Variants in HECW2 observed in about 807,000 individuals in gnomAD.
HECW2 encodes the protein E3 ubiquitin-protein ligase HECW2.
HECW2 carries 61 observed loss-of-function variants against 175.2 expected under a neutral mutation model. The ratio of observed to expected loss-of-function variants is 0.35; its 90% CI spans 0.28 to 0.43. The LOEUF (loss-of-function observed/expected upper bound fraction) is 0.43. HECW2 is among the 20% of genes least tolerant of loss of function. The probability of loss-of-function intolerance (pLI) is 1.00; values close to 1 mark genes in which losing one functional copy is unlikely to be tolerated. For missense variants in HECW2, 1,524 were observed against 2,000.5 expected, an observed-to-expected ratio of 0.76 and a Z score of 4.54; for synonymous variants, 671 against 731.0, an observed-to-expected ratio of 0.92 and a Z score of 1.32.
intron 2 of HECW2, among the ~76,000 whole-genome samples, chr2:196,410,188 T>C (rs1240661034): frequency 6.6e-6 from 1 of 152,206 alleles, no homozygotes; most frequent in Admixed American, 6.5e-5. Context: ...TGTTCTCACT[T>C]AGGGATGCAA....
chr2:196,299,625 C>G (rs1266176909), intron 13 of HECW2, among the ~76,000 whole-genome samples: 1 of 152,064 alleles, frequency 6.6e-6, no homozygotes, highest in Admixed American at 6.5e-5. Flanking sequence ...TTAAAGTCAC[C>G]AAGTTTAAAA....
At chr2:196,523,198 G>T in intron 1 of HECW2, among the ~76,000 whole-genome samples, 1 of 152,124 alleles carries the variant, frequency 6.6e-6, no homozygotes, top group East Asian at 1.9e-4. Flanking sequence ...CACATCCCTT[G>T]TAAGTTGGAT....
chr2:196,367,962 A>G (rs1693794439), intron 2 of HECW2, among the ~76,000 whole-genome samples: 1 of 150,740 alleles, frequency 6.6e-6, no homozygotes, highest in East Asian at 1.9e-4. Context: ...TATATATGAT[A>G]CATATATGAG....
At chr2:196,340,998 T>C (rs1692731435) in intron 3 of HECW2, among the ~76,000 whole-genome samples, 1 of 152,140 alleles carries the variant, frequency 6.6e-6, no homozygotes, top group African/African-American at 2.4e-5. Flanking sequence ...CCCATTTCTA[T>C]TAAATACTAG....
chr2:196,378,090 G>T lies in HECW2; in HGVS notation c.293-34326C>A, dbSNP rs1216575497. ...CTCCTCTTTGGCCTTTCCTTGGGTT[G>T]GGAGTCAATGGGACTGCCATAAGTA... On this transcript the variant is annotated intron_variant, in intron 2 of 28. Transcript: ENST00000644978. Among the ~76,000 whole-genome samples the T allele has an allele frequency of 4.6e-5, 7 of 152,280 alleles. 1 individual carries two copies. The East Asian group carries it at 1.4e-3, about 29-fold the overall frequency.
At position 196,503,047 on chromosome 2, in the gene HECW2, C is replaced by G. The variant is rs377562520; in HGVS notation, c.-35-69589G>C. On this transcript the variant is annotated intron_variant, in intron 1 of 28. Coordinates refer to ENST00000644978, the MANE Select transcript of HECW2 (RefSeq NM_001348768.2). Reference sequence around the variant, plus strand: ...GACAAGTACCCTTATCCTTCCACCCCTAGCTCCATTCAGCACCACAAGGGG... The same window carrying G: ...GACAAGTACCCTTATCCTTCCACCCGTAGCTCCATTCAGCACCACAAGGGG... Among the ~76,000 whole-genome samples, 414 of 152,286 alleles carry G rather than the reference C, an allele frequency of 2.7e-3. 2 individuals carry two copies. Among genetic ancestry groups the G allele is most frequent in the African/African-American group, 9.2e-3 (383 of 41,548 alleles).
intron 14 of HECW2, among the ~76,000 whole-genome samples, chr2:196,279,054 A>T (rs6712484): frequency 0.16 from 24,673 of 151,720 alleles, 2,094 homozygotes; most frequent in Middle Eastern, 0.23. Flanking sequence ...TAAAAAAAAA[A>T]ATTTTTTTTT....
chr2:196,223,204 T>A (rs1687731398), intron 23 of HECW2, among the ~76,000 whole-genome samples: 1 of 152,210 alleles, frequency 6.6e-6, no homozygotes, highest in Admixed American at 6.5e-5. Flanking sequence ...ACAGATAAGT[T>A]AATATAAAGC....
intron 24 of HECW2, 151 bp from the exon 25 acceptor site, chr2:196,221,092 C>T (rs565899260): frequency 2.9e-5 from 21 of 723,278 alleles, no homozygotes; most frequent in South Asian, 2.3e-4. Context: ...CAGGCACTCA[C>T]GGAGCACACA....
chr2:196,504,074 TC>T (rs1237364419), intron 1 of HECW2, among the ~76,000 whole-genome samples: 1 of 152,042 alleles, frequency 6.6e-6, no homozygotes, highest in Non-Finnish European at 1.5e-5. Flanking sequence ...GGCGGGCAGA[TC>T]ATCTGAGGTC....
At chr2:196,258,050 C>G in intron 17 of HECW2, 144 bp from the exon 18 acceptor site, 1 of 596,890 alleles carries the variant, frequency 1.7e-6, no homozygotes, top group Non-Finnish European at 3.0e-6. Flanking sequence ...TAGGAATACA[C>G]ATCCAAGAGA....
intron 19 of HECW2, among the ~76,000 whole-genome samples, chr2:196,250,185 G>A (rs1292179522): frequency 6.6e-6 from 1 of 152,190 alleles, no homozygotes; most frequent in African/African-American, 2.4e-5. Context: ...AATCCACATG[G>A]CTTCATGTCT....
chr2:196,560,487 C>CTCCCTG (rs1308854179), intron 1 of HECW2, among the ~76,000 whole-genome samples: 3 of 152,136 alleles, frequency 2.0e-5, no homozygotes, highest in Non-Finnish European at 4.4e-5. Context: ...TATGCCCGCA[C>CTCCCTG]TCCCTGTCCC....
intron 1 of HECW2, among the ~76,000 whole-genome samples, chr2:196,547,511 A>C (rs1689466144): frequency 6.6e-6 from 1 of 152,216 alleles, no homozygotes. Flanking sequence ...GTCCTCTTAC[A>C]AATAAAGATT....
intron 2 of HECW2, among the ~76,000 whole-genome samples, chr2:196,370,669 T>C (rs767843959): frequency 6.6e-5 from 10 of 152,144 alleles, no homozygotes; most frequent in Non-Finnish European, 1.3e-4. Context: ...ATTTAACCCA[T>C]GGTGGCGAGG....
At chr2:196,486,032 T>A (rs1352438705) in intron 1 of HECW2, among the ~76,000 whole-genome samples, 2 of 152,194 alleles carry the variant, frequency 1.3e-5, no homozygotes, top group African/African-American at 2.4e-5. Context: ...ATGGCACCTA[T>A]AATTTCCCCA....
intron 19 of HECW2, among the ~76,000 whole-genome samples, chr2:196,252,916 C>T (rs904872974): frequency 2.0e-5 from 3 of 152,202 alleles, no homozygotes; most frequent in Non-Finnish European, 4.4e-5. Context: ...TACATTTCTT[C>T]ATTACAGAAC....
In HECW2 at chr2:196,198,258, C is replaced by A. The variant is rs2105744208; in HGVS notation, c.*3019G>T. 1 of 152,276 alleles carries A rather than the reference C, an allele frequency of 6.6e-6. No individual in the cohort carries two copies. Among genetic ancestry groups the A allele is most frequent in the Admixed American group, 6.5e-5 (1 of 15,306 alleles). 9.4% of individuals were successfully genotyped at this position (152,276 alleles called of 1,614,324 possible). A position where few individuals can be genotyped will look rare whatever the true frequency, so the allele number is the denominator to read the frequency against. On this transcript the variant is annotated 3_prime_UTR_variant, in exon 29 of 29. Transcript: ENST00000644978. ...TTACACTCTCGTTGTGTAAGTGCAT[C>A]CTGGCTTCAACACTTGACCAGTATT...
At chr2:196,526,829 G>A (rs1344396264) in intron 1 of HECW2, among the ~76,000 whole-genome samples, 1 of 152,078 alleles carries the variant, frequency 6.6e-6, no homozygotes, top group African/African-American at 2.4e-5. Context: ...GAGGCAGTCT[G>A]CCAGTTCTCA....
Sources: gnomAD v4.1 joint callset for allele counts (sites outside exome capture counted in the v4.1 genomes callset) on GRCh38, gnomAD v4.1.1 for gene constraint, MANE v1.5 for transcripts, NCBI Gene and HGNC (gene_info 2026-07-23, HGNC 2026-07-21) for gene names.